The following CEPT1 variants were observed in gnomAD, a reference collection of about 807,000 sequenced individuals.
CEPT1 encodes the protein choline/ethanolaminephosphotransferase 1.
CEPT1 carries 7 observed loss-of-function variants against 42.6 expected under a neutral mutation model. The ratio of observed to expected loss-of-function variants is 0.16; its 90% CI spans 0.09 to 0.31. The LOEUF is 0.31. Among genes scored for constraint, CEPT1 ranks in the 10% least tolerant of loss-of-function variants. The pLI is 1.00. For synonymous variants in CEPT1, 171 were observed against 171.9 expected (o/e 0.99, Z 0.04); for missense variants, 306 against 502.1 (o/e 0.61, Z 3.73).
intron 4 of CEPT1, among the ~76,000 whole-genome samples, chr1:111,166,024 AAATGTC>A (rs1157709884): frequency 7.2e-5 from 11 of 152,224 alleles, no homozygotes; most frequent in African/African-American, 2.7e-4. Context: ...ATTTATCTTT[AAATGTC>A]TAATACTTAT....
intron 1 of CEPT1, among the ~76,000 whole-genome samples, chr1:111,143,010 T>C (rs896314868): frequency 2.0e-5 from 3 of 152,244 alleles, no homozygotes; most frequent in Admixed American, 6.5e-5. Flanking sequence ...GTTTAAAATA[T>C]TCACTTTTAC....
At chr1:111,148,931 T>G (rs755814092) in intron 2 of CEPT1, among the ~76,000 whole-genome samples, 4 of 152,218 alleles carry the variant, frequency 2.6e-5, no homozygotes, top group Admixed American at 6.5e-5. Context: ...TTCAGAGTGA[T>G]TCTGAGCTAA....
chr1:111,174,370 T>C (rs553090033), intron 4 of CEPT1, among the ~76,000 whole-genome samples: 84 of 152,204 alleles, frequency 5.5e-4, no homozygotes, highest in African/African-American at 1.7e-3. Context: ...GTTTTTTTTT[T>C]CACACCTATA....
intron 5 of CEPT1, among the ~76,000 whole-genome samples, chr1:111,176,535 T>C (rs532064494): frequency 8.5e-5 from 13 of 152,306 alleles, no homozygotes; most frequent in African/African-American, 3.1e-4. Context: ...GATTTCTGGC[T>C]TGATTATTGG....
intron 2 of CEPT1, among the ~76,000 whole-genome samples, chr1:111,154,224 ATTTTATTTT>A (rs1325263260): frequency 1.4e-5 from 2 of 146,438 alleles, no homozygotes; most frequent in African/African-American, 5.0e-5. Context: ...ATTTTATTTT[ATTTTATTTT>A]ATTTTATTTT....
intron 5 of CEPT1, among the ~76,000 whole-genome samples, chr1:111,175,851 C>T (rs956719840): frequency 6.6e-6 from 1 of 152,114 alleles, no homozygotes. Flanking sequence ...TCTACCATCA[C>T]CCCTTCAGAA....
chr1:111,179,535 A>G (rs1160079030), intron 5 of CEPT1: 1 of 152,166 alleles, frequency 6.6e-6, no homozygotes, highest in African/African-American at 2.4e-5. Flanking sequence ...GACTTGAGGG[A>G]GAGAGAGAAT....
intron 5 of CEPT1, chr1:111,179,979 C>T (rs1439861636): frequency 1.3e-5 from 2 of 152,196 alleles, no homozygotes; most frequent in Non-Finnish European, 2.9e-5. Context: ...AGGTCAATAG[C>T]TTGCTTCCTT....
At chr1:111,181,441 CATCA>C (rs1342790462) in intron 5 of CEPT1, 3 of 152,184 alleles carry the variant, frequency 2.0e-5, no homozygotes, top group East Asian at 3.8e-4. Flanking sequence ...AAATGCATGA[CATCA>C]ATCCACTCTG....
rs1227050862 is a variant in CEPT1 at position 111,147,705 on chromosome 1, A to C, written c.-10A>C. 13 of 1,572,112 alleles carry C rather than the reference A, an allele frequency of 8.3e-6. No homozygotes were observed. The highest frequency in any genetic ancestry group is 1.0e-5 in the Non-Finnish European group (12 of 1,159,300). On this transcript the variant is annotated 5_prime_UTR_variant, in exon 2 of 9. Transcript: ENST00000357172. ...TTACTGTCTTTAAATATTAAAAAAA[A>C]ACAAGATCCATGAGTGGGCATCGAT...
chr1:111,178,366 C>G (rs1557941055), intron 5 of CEPT1: 1 of 151,956 alleles, frequency 6.6e-6, no homozygotes, highest in Non-Finnish European at 1.5e-5. Context: ...TGATTTGCAT[C>G]TATTACATAT....
intron 5 of CEPT1, among the ~76,000 whole-genome samples, chr1:111,176,484 G>A (rs182284327): frequency 6.6e-6 from 1 of 152,134 alleles, no homozygotes; most frequent in Admixed American, 6.5e-5. Context: ...TTTGTAATAT[G>A]TTGTACATAA....
intron 1 of CEPT1, 116 bp downstream of exon 1, chr1:111,140,423 C>A (rs952881564): frequency 2.0e-5 from 3 of 152,380 alleles, no homozygotes; most frequent in African/African-American, 7.2e-5. Flanking sequence ...TGTGTATGGA[C>A]TCGCGCGAGG....
At chr1:111,155,634 T>C (rs1655523186) in intron 2 of CEPT1, among the ~76,000 whole-genome samples, 2 of 152,038 alleles carry the variant, frequency 1.3e-5, no homozygotes, top group Admixed American at 6.6e-5. Flanking sequence ...CCGCCTCACC[T>C]GGGAGGCGAT....
chr1:111,168,408 GAA>G (rs1307219956), intron 4 of CEPT1, among the ~76,000 whole-genome samples: 4 of 139,442 alleles, frequency 2.9e-5, no homozygotes, highest in Admixed American at 7.1e-5. Flanking sequence ...CGCCTGCCCT[GAA>G]AAAAAAAAAG....
chr1:111,157,846 A>C (rs749906216), intron 2 of CEPT1, among the ~76,000 whole-genome samples: 4 of 152,232 alleles, frequency 2.6e-5, no homozygotes, highest in Non-Finnish European at 4.4e-5. Flanking sequence ...TGCAGTACAG[A>C]ATATACTGAA....
Position 111,174,900 on chromosome 1 carries a change from A to G in CEPT1, c.651A>G (p.Gln217=), listed in dbSNP as rs781580747. 2.5e-4 allele frequency: 408 copies of G among 1,612,220 alleles called. No homozygotes were observed. The highest frequency in any genetic ancestry group is 3.4e-4 in the Non-Finnish European group (403 of 1,178,610). The change falls in exon 5 of 9, where the codon CAA becomes CAG. Residue 217 remains glutamine (Q), a synonymous_variant. Transcript: ENST00000357172. ...TCAGAATTGATGTGACTGAAGTGCA[A>G]ATCTTCATAATAATCATGCATTTGC... is the stretch of plus-strand genomic sequence containing the variant. The part of the protein sequence containing the change: ...RFGIIDVTEV[Q]IFIIIMHLLA...
chr1:111,145,079 G>A (rs1287613094), intron 1 of CEPT1, among the ~76,000 whole-genome samples: 3 of 151,550 alleles, frequency 2.0e-5, no homozygotes, highest in Non-Finnish European at 4.4e-5. Context: ...GCAGTGGTGC[G>A]ATCTCGGCTC....
At chr1:111,177,179 C>T (rs1470058949) in intron 5 of CEPT1, among the ~76,000 whole-genome samples, 2 of 152,152 alleles carry the variant, frequency 1.3e-5, no homozygotes, top group Non-Finnish European at 2.9e-5. Context: ...TGGGGAGAAC[C>T]TGTTGTTGGA....
Sources: allele counts gnomAD v4.1 joint callset (sites outside exome capture counted in the v4.1 genomes callset), GRCh38; gene constraint gnomAD v4.1.1; transcripts MANE v1.5; gene names NCBI Gene and HGNC (gene_info 2026-07-23, HGNC 2026-07-21).